GALNTL6: variants seen among roughly 807,000 people sequenced by gnomAD.
GALNTL6 encodes polypeptide N-acetylgalactosaminyltransferase like 6.
Under a neutral mutation model 73.7 loss-of-function variants are expected in GALNTL6, and 46 were observed. The observed-to-expected ratio is 0.62, with a 90% confidence interval of 0.49 to 0.80. The LOEUF is 0.80. Among genes scored for constraint, GALNTL6 ranks in the 30% least tolerant of loss-of-function variants. GALNTL6 has a pLI of 0.00. For synonymous variants in GALNTL6, 259 were observed against 263.7 expected (o/e 0.98, Z 0.17); for missense variants, 604 against 755.0 (o/e 0.80, Z 2.34).
chr4:171,966,986 T>C (rs569795679), intron 2 of GALNTL6, among the ~76,000 whole-genome samples: 2 of 152,314 alleles, frequency 1.3e-5, no homozygotes, highest in East Asian at 3.9e-4. Context: ...ATACTCCAAA[T>C]AGCTCTAAGG....
chr4:172,262,225 G>T (rs1258679396), intron 3 of GALNTL6, among the ~76,000 whole-genome samples: 1 of 150,820 alleles, frequency 6.6e-6, no homozygotes, highest in East Asian at 1.9e-4. Context: ...TGTGCTATCA[G>T]TGAAGTCCCC....
chr4:172,388,477 A>G (rs931695532), intron 5 of GALNTL6, among the ~76,000 whole-genome samples: 6 of 152,168 alleles, frequency 3.9e-5, no homozygotes, highest in Non-Finnish European at 7.4e-5. Context: ...GACATTTATT[A>G]GGAAAGTTAT....
Position 172,952,027 on chromosome 4 carries a change from T to G in GALNTL6, c.1150-10T>G. 1 of 1,602,936 alleles carries G rather than the reference T, an allele frequency of 6.2e-7. No homozygotes were observed. The highest frequency in any genetic ancestry group is 2.2e-5 in the East Asian group (1 of 44,796). ...CCAATAAATGACATTTTTGTTTTCC[T>G]GCTGCACAGAACCTGAAGCGGGTAG... is the stretch of plus-strand genomic sequence containing the variant. On this transcript the variant is annotated splice_polypyrimidine_tract_variant and intron_variant, in intron 9 of 12. Coordinates refer to ENST00000506823, the MANE Select transcript of GALNTL6 (RefSeq NM_001034845.3).
intron 2 of GALNTL6, among the ~76,000 whole-genome samples, chr4:172,165,870 G>A (rs912972236): frequency 1.2e-4 from 18 of 152,130 alleles, no homozygotes; most frequent in South Asian, 2.1e-4. Flanking sequence ...TGATCAGTGT[G>A]TTACATGCAA....
At chr4:171,844,726 G>C (rs1266389987) in intron 2 of GALNTL6, among the ~76,000 whole-genome samples, 1 of 152,108 alleles carries the variant, frequency 6.6e-6, no homozygotes, top group Non-Finnish European at 1.5e-5. Context: ...GATTCCCCAA[G>C]AACAAATATA....
At chr4:172,370,358 G>C (rs1399111163) in intron 5 of GALNTL6, among the ~76,000 whole-genome samples, 1 of 152,138 alleles carries the variant, frequency 6.6e-6, no homozygotes, top group Non-Finnish European at 1.5e-5. Flanking sequence ...ACCTAGAAAG[G>C]GGAGAAGCCA....
At chr4:172,813,874 C>A in intron 7 of GALNTL6, 151 bp downstream of exon 7, 1 of 557,376 alleles carries the variant, frequency 1.8e-6, no homozygotes, top group Non-Finnish European at 3.1e-6. Flanking sequence ...GTCAGACCTA[C>A]ACCCTGTAGA....
At chr4:172,037,140 T>G (rs1455074684) in intron 2 of GALNTL6, among the ~76,000 whole-genome samples, 1 of 152,202 alleles carries the variant, frequency 6.6e-6, no homozygotes, top group African/African-American at 2.4e-5. Context: ...TAGAGCTTGC[T>G]AAGATAACGG....
At chr4:171,905,682 G>C (rs1460368046) in intron 2 of GALNTL6, among the ~76,000 whole-genome samples, 2 of 150,490 alleles carry the variant, frequency 1.3e-5, no homozygotes, top group Admixed American at 1.3e-4. Context: ...CAATTCAACA[G>C]AATATATGTT....
intron 5 of GALNTL6, among the ~76,000 whole-genome samples, chr4:172,777,169 T>C (rs984720361): frequency 4.6e-5 from 7 of 152,320 alleles, no homozygotes; most frequent in Admixed American, 1.3e-4. Context: ...AATTTATCAA[T>C]AAATAATTTT....
At chr4:172,813,460 C>T in intron 6 of GALNTL6, 80 bp from the exon 7 acceptor site, 1 of 1,204,162 alleles carries the variant, frequency 8.3e-7, no homozygotes. Context: ...TAGTGGAGGA[C>T]TGTAGGCTTC....
At chr4:172,497,173 C>A (rs1012811532) in intron 5 of GALNTL6, among the ~76,000 whole-genome samples, 3 of 152,156 alleles carry the variant, frequency 2.0e-5, no homozygotes, top group Non-Finnish European at 2.9e-5. Flanking sequence ...ATAGTAGAAA[C>A]TTACAGAATC....
intron 7 of GALNTL6, among the ~76,000 whole-genome samples, chr4:172,865,512 T>C (rs1231089043): frequency 1.3e-5 from 2 of 152,238 alleles, no homozygotes; most frequent in African/African-American, 2.4e-5. Context: ...AATTAAGGTA[T>C]ATTTTATAGT....
At chr4:172,335,560 G>T (rs757996291) in intron 4 of GALNTL6, among the ~76,000 whole-genome samples, 2 of 152,116 alleles carry the variant, frequency 1.3e-5, no homozygotes, top group Non-Finnish European at 2.9e-5. Context: ...ATTTGGCTGT[G>T]AATTCTTCTG....
At chr4:171,994,929 C>A (rs1740443996) in intron 2 of GALNTL6, among the ~76,000 whole-genome samples, 1 of 151,618 alleles carries the variant, frequency 6.6e-6, no homozygotes, top group Non-Finnish European at 1.5e-5. Context: ...AAAATATCAA[C>A]TAAACATTTA....
At chr4:172,297,342 A>G (rs1739719567) in intron 3 of GALNTL6, among the ~76,000 whole-genome samples, 1 of 152,146 alleles carries the variant, frequency 6.6e-6, no homozygotes, top group Non-Finnish European at 1.5e-5. Context: ...TTTGCTGTGC[A>G]GAAGCTCTTT....
intron 8 of GALNTL6, among the ~76,000 whole-genome samples, chr4:172,913,903 T>G (rs1747354840): frequency 6.6e-6 from 1 of 152,028 alleles, no homozygotes; most frequent in Non-Finnish European, 1.5e-5. Flanking sequence ...GCCACAAAGA[T>G]ACTCCTCAAG....
intron 2 of GALNTL6, among the ~76,000 whole-genome samples, chr4:171,890,955 C>T (rs866598453): frequency 6.6e-6 from 1 of 152,094 alleles, no homozygotes; most frequent in African/African-American, 2.4e-5. Flanking sequence ...TTCATGTTGT[C>T]GTCATTACAA....
chr4:172,404,165 T>C (rs1184247824), intron 5 of GALNTL6, among the ~76,000 whole-genome samples: 1 of 151,844 alleles, frequency 6.6e-6, no homozygotes, highest in African/African-American at 2.4e-5. Flanking sequence ...TAAAATAAGG[T>C]TGCCAGATGA....
Sources: allele counts gnomAD v4.1 joint callset (sites outside exome capture counted in the v4.1 genomes callset), GRCh38; gene constraint gnomAD v4.1.1; transcripts MANE v1.5; gene names NCBI Gene and HGNC (gene_info 2026-07-23, HGNC 2026-07-21).